PCYT1A: variants seen among roughly 807,000 people sequenced by gnomAD.
The protein encoded by PCYT1A is choline-phosphate cytidylyltransferase A.
In PCYT1A, 25 loss-of-function variants were observed where a neutral mutation model predicts 43.7. The observed-to-expected ratio is 0.57, with a 90% CI of 0.42 to 0.80. PCYT1A has a LOEUF of 0.80. PCYT1A is among the 30% of genes least tolerant of loss of function. The pLI is 0.00. For synonymous variants in PCYT1A, 172 were observed against 170.7 expected, an observed-to-expected ratio of 1.01 and a Z score of -0.06; for missense variants, 421 against 474.2, an observed-to-expected ratio of 0.89 and a Z score of 1.04.
chr3:196,242,168 G>T lies in PCYT1A; in HGVS notation c.566-78C>A. 1 of 1,398,854 alleles carries T rather than the reference G, an allele frequency of 7.1e-7. No individual in the cohort carries two copies. Among genetic ancestry groups the T allele is most frequent in the Non-Finnish European group, 1.0e-6 (1 of 993,200 alleles). The allele number at this position is 1,398,854 out of a possible 1,614,324, so 86.7% of individuals were successfully genotyped here. On this transcript the variant is annotated intron_variant, in intron 6 of 8. Transcript: ENST00000431016. This position sits in a 1 kb window ranked among gnomAD's most constrained non-coding sequence, Gnocchi z 4.2. ...TATTAAGACTAAATGGAAATTGGGG[G>T]CAACATTCCTTTCCTTTCCTCAAAA...
intron 2 of PCYT1A, among the ~76,000 whole-genome samples, chr3:196,263,120 A>G (rs1323275340): frequency 6.6e-6 from 1 of 152,148 alleles, no homozygotes; most frequent in Admixed American, 6.6e-5. Context: ...TTTTTCAGCA[A>G]AAAGTTTCTG....
chr3:196,244,740 G>A (rs969339250), intron 5 of PCYT1A, among the ~76,000 whole-genome samples: 1 of 152,248 alleles, frequency 6.6e-6, no homozygotes, highest in African/African-American at 2.4e-5. Flanking sequence ...ATTTTGTTCT[G>A]TACTAAGAAA....
intron 1 of PCYT1A, among the ~76,000 whole-genome samples, chr3:196,285,374 G>A (rs1409361107): frequency 5.9e-5 from 9 of 152,146 alleles, no homozygotes; most frequent in African/African-American, 1.9e-4. Flanking sequence ...TAGGAGAATC[G>A]CTTTGAACCA....
chr3:196,247,031 G>A lies in PCYT1A; in HGVS notation c.486+336C>T, dbSNP rs1724590180. 6.6e-6 allele frequency among the ~76,000 whole-genome samples: 1 copy of A among 151,998 alleles called. No individual in the cohort carries two copies. Among genetic ancestry groups the A allele is most frequent in the South Asian group, 2.1e-4 (1 of 4,828 alleles). On this transcript the variant is annotated intron_variant, in intron 5 of 8. Coordinates refer to ENST00000431016, the MANE Select transcript of PCYT1A (RefSeq NM_001312673.2). This position sits in a 1 kb window ranked among gnomAD's most constrained non-coding sequence, Gnocchi z 4.8. Reference sequence around the variant, plus strand: ...AGTGGTGTAACTTGTGGCGAGTTCAGTTCCCAGCCCTGCCAATGGTGTAAC... The same window carrying A: ...AGTGGTGTAACTTGTGGCGAGTTCAATTCCCAGCCCTGCCAATGGTGTAAC...
At chr3:196,255,971 C>A (rs1240449150) in intron 3 of PCYT1A, among the ~76,000 whole-genome samples, 3 of 152,196 alleles carry the variant, frequency 2.0e-5, no homozygotes, top group African/African-American at 7.2e-5. Context: ...TCCATAGTCT[C>A]TGGTTTTCTT....
chr3:196,239,952 G>A (rs1577352835), intron 7 of PCYT1A: 3 of 512,988 alleles, frequency 5.8e-6, no homozygotes, highest in African/African-American at 1.9e-5. Flanking sequence ...GGGCATTTGG[G>A]AATAAACTAA....
At chr3:196,284,292 TC>T (rs753448485) in intron 1 of PCYT1A, among the ~76,000 whole-genome samples, 12 of 152,340 alleles carry the variant, frequency 7.9e-5, no homozygotes, top group Middle Eastern at 3.4e-3. Flanking sequence ...TTATAACATC[TC>T]TAGGAGAGGT....
Position 196,241,849 on chromosome 3 carries a change from T to C in PCYT1A, c.708+99A>G, listed in dbSNP as rs141864968. On this transcript the variant is annotated intron_variant, in intron 7 of 8. Transcript: ENST00000431016. ...TCATTCACTGAACTTTTGGGAGTGATCATCAAAGCCAACTGCAAAGCCAGT... is the reference window on the plus strand; with the variant it reads ...TCATTCACTGAACTTTTGGGAGTGACCATCAAAGCCAACTGCAAAGCCAGT... 1,696 of 1,407,354 alleles carry C rather than the reference T, an allele frequency of 1.2e-3. 18 individuals carry two copies. The Admixed American group carries it at 0.024, about 20-fold the overall frequency. 87.2% of individuals were successfully genotyped at this position (1,407,354 alleles called of 1,614,324 possible).
intron 2 of PCYT1A, among the ~76,000 whole-genome samples, chr3:196,269,592 A>G (rs1725373049): frequency 6.6e-6 from 1 of 152,122 alleles, no homozygotes; most frequent in African/African-American, 2.4e-5. Flanking sequence ...AAGGGTAGCA[A>G]GCTGAGATGG....
At chr3:196,283,928 C>G (rs928907778) in intron 1 of PCYT1A, among the ~76,000 whole-genome samples, 1 of 152,220 alleles carries the variant, frequency 6.6e-6, no homozygotes, top group Non-Finnish European at 1.5e-5. Flanking sequence ...AAAAGGGACT[C>G]TCACAGTCCT....
In PCYT1A at chr3:196,247,350, T is replaced by C. The variant is rs1724600839; in HGVS notation, c.486+17A>G. On this transcript the variant is annotated intron_variant, in intron 5 of 8. Transcript: ENST00000431016. This position sits in a 1 kb window ranked among gnomAD's most constrained non-coding sequence, Gnocchi z 4.8. ...GATTCTGAAACAAGGAATGGGAATA[T>C]GTGTCCAGTTTCTTACCCGGTGTTC... The C allele has an allele frequency of 1.2e-6, 2 of 1,613,094 alleles. No individual in the cohort carries two copies. The highest frequency in any genetic ancestry group is 8.5e-7 in the Non-Finnish European group (1 of 1,179,790).
In PCYT1A at chr3:196,248,899, G is replaced by A. The variant is rs972509957; in HGVS notation, c.218-576C>T. On this transcript the variant is annotated intron_variant, in intron 3 of 8. Transcript: ENST00000431016. ...CGCCTCCTGAGTAGCTGGAACTACAGGCGCCCACCACCAAGCCCAGCTAAT... is the reference window on the plus strand; with the variant it reads ...CGCCTCCTGAGTAGCTGGAACTACAAGCGCCCACCACCAAGCCCAGCTAAT... 1.3e-5 allele frequency among the ~76,000 whole-genome samples: 2 copies of A among 151,934 alleles called. 1 individual carries two copies. The highest frequency in any genetic ancestry group is 4.8e-5 in the African/African-American group (2 of 41,344).
chr3:196,286,360 T>C (rs1222550894), intron 1 of PCYT1A, among the ~76,000 whole-genome samples: 1 of 152,206 alleles, frequency 6.6e-6, no homozygotes, highest in Admixed American at 6.5e-5. Context: ...CTGTTCCCAA[T>C]TGCATCTTTG....
chr3:196,258,069 G>A (rs893902174), intron 2 of PCYT1A, among the ~76,000 whole-genome samples, 182 bp from the exon 3 acceptor site: 1 of 152,102 alleles, frequency 6.6e-6, no homozygotes, highest in African/African-American at 2.4e-5. Flanking sequence ...GGTGGATCAT[G>A]AGGTCAGGAG....
At chr3:196,250,199 G>A (rs1031562787) in intron 3 of PCYT1A, among the ~76,000 whole-genome samples, 2 of 140,594 alleles carry the variant, frequency 1.4e-5, no homozygotes, top group Non-Finnish European at 3.1e-5. Context: ...ACACCATGCC[G>A]AGGCAGAGGA....
At chr3:196,263,691 G>C (rs1725182897) in intron 2 of PCYT1A, among the ~76,000 whole-genome samples, 1 of 152,120 alleles carries the variant, frequency 6.6e-6, no homozygotes, top group Non-Finnish European at 1.5e-5. Context: ...GGAGTACAGT[G>C]GCGCGATCTC....
In PCYT1A at chr3:196,242,463, AT is replaced by A. The variant is rs1442295433; in HGVS notation, c.565+98del. 1 of 850,900 alleles carries A rather than the reference AT, an allele frequency of 1.2e-6. No individual in the cohort carries two copies. Among genetic ancestry groups the A allele is most frequent in the Non-Finnish European group, 2.1e-6 (1 of 485,660 alleles). The allele number at this position is 850,900 out of a possible 1,614,324, so 52.7% of individuals were successfully genotyped here. On this transcript the variant is annotated intron_variant, in intron 6 of 8. Coordinates refer to ENST00000431016, the MANE Select transcript of PCYT1A (RefSeq NM_001312673.2). This position sits in a 1 kb window ranked among gnomAD's most constrained non-coding sequence, Gnocchi z 4.2. ...AATGTGGCCTGAAAGAGGATGTTGA[AT>A]TTCTAATGTACACATTTTCCTCTGT...
intron 3 of PCYT1A, among the ~76,000 whole-genome samples, chr3:196,256,182 A>C (rs181631422): frequency 6.6e-6 from 1 of 152,338 alleles, no homozygotes; most frequent in African/African-American, 2.4e-5. Flanking sequence ...AGATAAGGCC[A>C]AAGGATAGGT....
intron 1 of PCYT1A, among the ~76,000 whole-genome samples, chr3:196,275,793 G>A (rs1282954029): frequency 1.3e-5 from 2 of 151,328 alleles, no homozygotes; most frequent in Non-Finnish European, 2.9e-5. Flanking sequence ...GCACAGAATG[G>A]TGACTATAAT....
Sources: allele counts gnomAD v4.1 joint callset (sites outside exome capture counted in the v4.1 genomes callset), GRCh38; gene constraint gnomAD v4.1.1; non-coding constraint Gnocchi (gnomAD v3.1); transcripts MANE v1.5; gene names NCBI Gene and HGNC (gene_info 2026-07-23, HGNC 2026-07-21).